ROBO2: variants seen among roughly 807,000 people sequenced by gnomAD.
ROBO2 encodes the protein roundabout guidance receptor 2, also known as roundabout homolog 2.
In ROBO2, 53 loss-of-function variants were observed where a neutral mutation model predicts 160.8. That is an observed-to-expected ratio of 0.33 (90% CI 0.26 to 0.41). ROBO2 has a LOEUF of 0.41. Among genes scored for constraint, ROBO2 ranks in the 10% least tolerant of loss-of-function variants. The probability of loss-of-function intolerance (pLI) is 1.00; values close to 1 mark genes in which losing one functional copy is unlikely to be tolerated. For synonymous variants in ROBO2, 664 were observed against 611.7 expected (o/e 1.09, Z -1.26); for missense variants, 1,577 against 1,722.4 (o/e 0.92, Z 1.49).
chr3:76,426,471 T>C (rs1339701659), intron 2 of ROBO2, among the ~76,000 whole-genome samples: 2 of 152,084 alleles, frequency 1.3e-5, no homozygotes, highest in South Asian at 4.1e-4. Context: ...AGTTCATAGA[T>C]GGTAAGGAAG....
At chr3:76,846,792 C>T (rs564343094) in intron 2 of ROBO2, among the ~76,000 whole-genome samples, 1 of 152,060 alleles carries the variant, frequency 6.6e-6, no homozygotes, top group Non-Finnish European at 1.5e-5. Context: ...GCAAAGCAGC[C>T]GACTAAGATA....
chr3:77,039,408 G>A (rs527656599), upstream of ROBO2, among the ~76,000 whole-genome samples: 2 of 152,312 alleles, frequency 1.3e-5, no homozygotes, highest in Middle Eastern at 3.4e-3. Flanking sequence ...AGCGCGTGCA[G>A]CTCCGGCAGA....
intron 2 of ROBO2, among the ~76,000 whole-genome samples, chr3:76,296,322 A>G (rs1709072839): frequency 6.6e-6 from 1 of 152,216 alleles, no homozygotes; most frequent in Admixed American, 6.5e-5. Context: ...ACTGTGAAAG[A>G]ATACATTTTT....
intron 2 of ROBO2, among the ~76,000 whole-genome samples, chr3:76,489,160 T>G (rs537486489): frequency 4.0e-5 from 6 of 150,466 alleles, no homozygotes; most frequent in South Asian, 4.2e-4. Context: ...TTTTGTTTTT[T>G]TTTTTGGCCT....
At chr3:76,065,725 T>C (rs1175451837) in intron 2 of ROBO2, among the ~76,000 whole-genome samples, 3 of 60,548 alleles carry the variant, frequency 5.0e-5, no homozygotes, top group Non-Finnish European at 8.9e-5. Context: ...AATATATGCA[T>C]ATTTAAACTA....
At chr3:76,274,852 A>AT (rs1185253496) in intron 2 of ROBO2, among the ~76,000 whole-genome samples, 1 of 151,022 alleles carries the variant, frequency 6.6e-6, no homozygotes, top group Non-Finnish European at 1.5e-5. Context: ...AAAAAAAAAA[A>AT]GAATGAAAGG....
chr3:77,474,171 A>C (rs1350179602), intron 2 of ROBO2, among the ~76,000 whole-genome samples: 1 of 152,198 alleles, frequency 6.6e-6, no homozygotes, highest in Non-Finnish European at 1.5e-5. Flanking sequence ...ACTTAGTCCC[A>C]GGCTATTGTA....
chr3:76,359,558 A>G (rs1371409125), intron 2 of ROBO2, among the ~76,000 whole-genome samples: 1 of 152,048 alleles, frequency 6.6e-6, no homozygotes, highest in African/African-American at 2.4e-5. Context: ...CCTGTTACGC[A>G]CAATGGTAAG....
intron 2 of ROBO2, among the ~76,000 whole-genome samples, chr3:76,125,169 A>C (rs1412856732): frequency 6.6e-6 from 1 of 152,166 alleles, no homozygotes; most frequent in Non-Finnish European, 1.5e-5. Flanking sequence ...GCTGCAAAGG[A>C]CATGATTTCA....
chr3:77,013,969 G>A (rs1179704498), intron 2 of ROBO2, among the ~76,000 whole-genome samples: 1 of 151,394 alleles, frequency 6.6e-6, no homozygotes, highest in African/African-American at 2.4e-5. Context: ...AATTTTAGAT[G>A]GTATAAACAT....
intron 4 of ROBO2, among the ~76,000 whole-genome samples, chr3:77,485,657 C>A (rs1421405501): frequency 6.6e-6 from 1 of 152,028 alleles, no homozygotes; most frequent in African/African-American, 2.4e-5. Context: ...TTTTAAACCT[C>A]CTTGGTTTTT....
chr3:77,196,804 A>G (rs1348956252), intron 2 of ROBO2, among the ~76,000 whole-genome samples: 2 of 152,108 alleles, frequency 1.3e-5, no homozygotes, highest in African/African-American at 2.4e-5. Context: ...TTTCCTGCTT[A>G]CACCTGATTA....
At chr3:75,993,797 C>G (rs1489799228) in intron 2 of ROBO2, among the ~76,000 whole-genome samples, 1 of 152,110 alleles carries the variant, frequency 6.6e-6, no homozygotes, top group African/African-American at 2.4e-5. Context: ...GTCATGGTAT[C>G]CAAAAACATA....
At chr3:77,550,060 T>C (rs1462227203) in intron 7 of ROBO2, among the ~76,000 whole-genome samples, 1 of 152,012 alleles carries the variant, frequency 6.6e-6, no homozygotes, top group Non-Finnish European at 1.5e-5. Flanking sequence ...ACTCCTCTCA[T>C]AGATGAACTT....
At position 77,105,279 on chromosome 3, in the gene ROBO2, C is replaced by T. The variant is rs1280416701; in HGVS notation, c.388+6939C>T. Among the ~76,000 whole-genome samples the T allele has an allele frequency of 3.9e-5, 6 of 152,088 alleles. 1 individual carries two copies. The highest frequency in any genetic ancestry group is 4.1e-4 in the South Asian group (2 of 4,822). On this transcript the variant is annotated intron_variant, in intron 2 of 25. Transcript: ENST00000461745. ...ATCAACTTAAATGCAAACTCCGTGGCGATGAGTTGGACTGGAACTAATATT... is the reference window on the plus strand; with the variant it reads ...ATCAACTTAAATGCAAACTCCGTGGTGATGAGTTGGACTGGAACTAATATT...
intron 2 of ROBO2, among the ~76,000 whole-genome samples, chr3:76,202,842 A>G (rs1306540482): frequency 6.6e-6 from 1 of 151,152 alleles, no homozygotes; most frequent in Non-Finnish European, 1.5e-5. Flanking sequence ...TAGGTCACAT[A>G]TTCTGCCCAA....
chr3:76,991,353 T>A (rs780481466), intron 2 of ROBO2, among the ~76,000 whole-genome samples: 2 of 152,200 alleles, frequency 1.3e-5, no homozygotes, highest in Non-Finnish European at 2.9e-5. Flanking sequence ...TACTAAATTA[T>A]GAGTAATTCA....
At chr3:76,798,682 A>G (rs1363475159) in intron 2 of ROBO2, among the ~76,000 whole-genome samples, 1 of 152,186 alleles carries the variant, frequency 6.6e-6, no homozygotes, top group African/African-American at 2.4e-5. Context: ...ACTTGAGCCC[A>G]GGAGTTTGCC....
chr3:76,214,230 A>G lies in ROBO2; in HGVS notation c.109+276628A>G, dbSNP rs149979853. Among the ~76,000 whole-genome samples the G allele has an allele frequency of 3.4e-3, 517 of 152,318 alleles. 7 individuals are homozygous for G. Among genetic ancestry groups the G allele is most frequent in the Admixed American group, 0.025 (390 of 15,302 alleles). ...CAACAGTCCATACAACTGAAAACAC[A>G]CTAATCCACTCCTCAGAAAAGAAGC... On this transcript the variant is annotated intron_variant, in intron 2 of 26. Transcript: ENST00000487694.
Sources: gnomAD v4.1 joint callset for allele counts (sites outside exome capture counted in the v4.1 genomes callset) on GRCh38, gnomAD v4.1.1 for gene constraint, MANE v1.5 for transcripts, NCBI Gene and HGNC (gene_info 2026-07-23, HGNC 2026-07-21) for gene names.